The following NRXN1 variants were observed in gnomAD, a reference collection of about 807,000 sequenced individuals.
NRXN1 encodes neurexin-1.
A neutral mutation model predicts 150.9 loss-of-function variants in NRXN1; 39 were observed. The observed-to-expected ratio is 0.26, with a 90% CI of 0.20 to 0.34. NRXN1 has a LOEUF of 0.34. Ranked by LOEUF, NRXN1 falls within the 10% of genes least tolerant of loss-of-function variation. The pLI is 1.00. For missense variants in NRXN1, 1,815 were observed against 1,949.9 expected (o/e 0.93, Z 1.30); for synonymous variants, 924 against 757.0 (o/e 1.22, Z -3.62).
At chr2:50,384,535 A>AAAT (rs2081196873) in intron 17 of NRXN1, among the ~76,000 whole-genome samples, 1 of 146,466 alleles carries the variant, frequency 6.8e-6, no homozygotes, top group African/African-American at 2.5e-5. Context: ...AAAAAAAAAA[A>AAAT]TGCATCCTCT....
At chr2:50,760,443 C>A (rs1482744994) in intron 5 of NRXN1, among the ~76,000 whole-genome samples, 1 of 151,794 alleles carries the variant, frequency 6.6e-6, no homozygotes, top group African/African-American at 2.4e-5. Flanking sequence ...TCTTCTCAGA[C>A]CCAGACAGAG....
chr2:50,296,885 T>C (rs6545159), intron 17 of NRXN1, among the ~76,000 whole-genome samples: 6,538 of 82,264 alleles, frequency 0.079, 453 homozygotes, highest in African/African-American at 0.25. Context: ...TTCTTTCTTT[T>C]TTTTTTTTTT....
chr2:50,420,283 T>A (rs1265703656), intron 17 of NRXN1, among the ~76,000 whole-genome samples: 1 of 151,962 alleles, frequency 6.6e-6, no homozygotes, highest in African/African-American at 2.4e-5. Context: ...AAGTACTCAT[T>A]ATTAATAGAA....
chr2:50,740,679 A>C (rs1421329700), intron 5 of NRXN1, among the ~76,000 whole-genome samples: 1 of 152,166 alleles, frequency 6.6e-6, no homozygotes, highest in Non-Finnish European at 1.5e-5. Flanking sequence ...GTTTTTTTCC[A>C]GTATTTCTTT....
chr2:50,008,562 T>C (rs1003859909), intron 21 of NRXN1, among the ~76,000 whole-genome samples: 1 of 151,008 alleles, frequency 6.6e-6, no homozygotes, highest in Admixed American at 6.6e-5. Context: ...GGATGGCATC[T>C]TATGGTTCTT....
intron 17 of NRXN1, among the ~76,000 whole-genome samples, chr2:50,337,799 C>A (rs973207906): frequency 6.6e-6 from 1 of 151,840 alleles, no homozygotes; most frequent in African/African-American, 2.4e-5. Context: ...TTAATTAATT[C>A]TATTAAAAAG....
intron 21 of NRXN1, among the ~76,000 whole-genome samples, chr2:50,037,481 G>T (rs573658389): frequency 1.1e-3 from 162 of 152,098 alleles, no homozygotes; most frequent in Non-Finnish European, 1.6e-3. Flanking sequence ...ATTATACCTG[G>T]TTTTTCATTC....
chr2:49,952,608 T>G (rs573805601), intron 21 of NRXN1, among the ~76,000 whole-genome samples: 1 of 152,212 alleles, frequency 6.6e-6, no homozygotes, highest in East Asian at 1.9e-4. Context: ...GCATAACTAA[T>G]TTTTTGGTGA....
chr2:50,963,203 A>T (rs1293481928), intron 2 of NRXN1, among the ~76,000 whole-genome samples: 1 of 151,686 alleles, frequency 6.6e-6, no homozygotes, highest in African/African-American at 2.4e-5. Context: ...CACAACACTT[A>T]CCAGGATGCT....
chr2:50,682,012 T>C (rs1690483860), intron 5 of NRXN1, among the ~76,000 whole-genome samples: 1 of 152,122 alleles, frequency 6.6e-6, no homozygotes, highest in Admixed American at 6.6e-5. Context: ...TCAAATGAGA[T>C]GGTACAGAAA....
intron 16 of NRXN1, among the ~76,000 whole-genome samples, chr2:50,470,502 G>T (rs2089356016): frequency 6.6e-6 from 1 of 151,770 alleles, no homozygotes; most frequent in Non-Finnish European, 1.5e-5. Flanking sequence ...GGAAACACAT[G>T]CTGCACAGAG....
intron 21 of NRXN1, among the ~76,000 whole-genome samples, chr2:49,998,161 G>T (rs1214866324): frequency 2.0e-5 from 3 of 152,084 alleles, no homozygotes; most frequent in Non-Finnish European, 4.4e-5. Flanking sequence ...ATGAGTTAAG[G>T]GAGGAAAGAA....
intron 16 of NRXN1, 135 bp from the exon 17 acceptor site, chr2:50,465,696 C>T: frequency 1.2e-6 from 1 of 833,794 alleles, no homozygotes. Flanking sequence ...TTCTAGTTCA[C>T]ACACCTGAAT....
Position 50,424,295 on chromosome 2 carries a change from A to AAGGAGGAGGAGGAGGAGGAGGGGGAGG in NRXN1, c.3364+41146_3364+41147insCCTCCCCCTCCTCCTCCTCCTCCTCCT, listed in dbSNP as rs1199844494. Reference sequence around the variant, plus strand: ...GGGGAAGGGGAGGGGGAGGAAGAAGAAGGAGGAGGAGGAGGGGGAGGAGGA... The same window carrying AAGGAGGAGGAGGAGGAGGAGGGGGAGG: ...GGGGAAGGGGAGGGGGAGGAAGAAGAAGGAGGAGGAGGAGGAGGAGGGGGAGGAGGAGGAGGAGGAGGGGGAGGAGGA... On this transcript the variant is annotated intron_variant, in intron 17 of 22. Transcript: ENST00000401669. 0.012 allele frequency among the ~76,000 whole-genome samples: 881 copies of AAGGAGGAGGAGGAGGAGGAGGGGGAGG among 71,904 alleles called. 61 individuals are homozygous for AAGGAGGAGGAGGAGGAGGAGGGGGAGG. The East Asian group carries it at 0.16, about 13-fold the overall frequency. 47.2% of individuals were successfully genotyped at this position (71,904 alleles called of 152,430 possible). A position where few individuals can be genotyped will look rare whatever the true frequency, so the allele number is the denominator to read the frequency against.
chr2:50,578,203 T>C (rs1334402999), intron 8 of NRXN1, among the ~76,000 whole-genome samples: 1 of 152,198 alleles, frequency 6.6e-6, no homozygotes, highest in African/African-American at 2.4e-5. Context: ...TTTAGAGCCC[T>C]TGAACAAAAC....
intron 21 of NRXN1, among the ~76,000 whole-genome samples, chr2:50,000,834 T>A (rs539284468): frequency 1.3e-5 from 2 of 152,250 alleles, no homozygotes; most frequent in South Asian, 2.1e-4. Context: ...CAAGGCAGGC[T>A]GGAGGTACAG....
At chr2:50,953,711 G>A (rs990425481) in intron 2 of NRXN1, among the ~76,000 whole-genome samples, 11 of 151,768 alleles carry the variant, frequency 7.2e-5, no homozygotes, top group Admixed American at 4.6e-4. Context: ...ATAAGTACCC[G>A]CCACCATGCC....
intron 12 of NRXN1, among the ~76,000 whole-genome samples, chr2:50,525,408 T>C (rs1182621292): frequency 2.0e-5 from 3 of 152,188 alleles, no homozygotes; most frequent in Admixed American, 6.5e-5. Flanking sequence ...TCCTTCACTG[T>C]CTAAGAAAGA....
intron 19 of NRXN1, among the ~76,000 whole-genome samples, chr2:50,075,281 T>C (rs900556839): frequency 1.3e-5 from 2 of 152,120 alleles, no homozygotes; most frequent in African/African-American, 4.8e-5. Flanking sequence ...GGAAAATATA[T>C]GATGAAAGCA....
Sources: gnomAD v4.1 joint callset for allele counts (sites outside exome capture counted in the v4.1 genomes callset) on GRCh38, gnomAD v4.1.1 for gene constraint, MANE v1.5 for transcripts, NCBI Gene and HGNC (gene_info 2026-07-23, HGNC 2026-07-21) for gene names.